Variants in WDR43 observed in about 807,000 individuals in gnomAD.
WDR43 encodes the protein WD repeat domain 43, also known as WD repeat-containing protein 43.
WDR43 carries 13 observed loss-of-function variants against 91.4 expected under a neutral mutation model. The ratio of observed to expected loss-of-function variants is 0.14; its 90% confidence interval spans 0.09 to 0.23. WDR43 has a LOEUF of 0.23. WDR43 is among the 10% of genes least tolerant of loss of function. The pLI, the probability that WDR43 is intolerant of heterozygous loss-of-function variation, is 1.00. For synonymous variants in WDR43, 331 were observed against 287.9 expected, an observed-to-expected ratio of 1.15 and a Z score of -1.51; for missense variants, 780 against 809.4, an observed-to-expected ratio of 0.96 and a Z score of 0.44.
chr2:28,920,070 C>T (rs1283690472), intron 6 of WDR43, among the ~76,000 whole-genome samples: 1 of 151,850 alleles, frequency 6.6e-6, no homozygotes, highest in Non-Finnish European at 1.5e-5. Flanking sequence ...AACTCCTGGC[C>T]TTGAGTCTTG....
Position 28,946,724 on chromosome 2 carries a change from A to C in WDR43, c.1979A>C (p.Lys660Thr). ...NGEDRDTASEKELNGDSDLDP... is the reference protein window; with the variant it reads ...NGEDRDTASETELNGDSDLDP... ...GAGGACAGAGATACAGCAAGTGAAA[A>C]AGAATTAAATGGAGATTCTGATTTA... Residue 660 changes from lysine (K) to threonine (T), a missense_variant, in exon 18 of 18, where the codon AAA becomes ACA. Around this residue, in one of 4 missense-constraint regions of WDR43, gnomAD observed 426 missense variants for 467.8 expected, o/e 0.91. Coordinates refer to ENST00000407426, the MANE Select transcript of WDR43 (RefSeq NM_015131.3). 1.3e-6 allele frequency: 2 copies of C among 1,585,632 alleles called. No individual in the cohort carries two copies. Among genetic ancestry groups the C allele is most frequent in the Non-Finnish European group, 1.7e-6 (2 of 1,165,822 alleles).
chr2:28,926,302 G>A (rs530753511), intron 8 of WDR43, among the ~76,000 whole-genome samples, 166 bp from the exon 9 acceptor site: 3 of 152,222 alleles, frequency 2.0e-5, no homozygotes, highest in East Asian at 1.9e-4. Flanking sequence ...AGTGGTGATC[G>A]TGGTTAACAA....
intron 8 of WDR43, among the ~76,000 whole-genome samples, chr2:28,925,497 G>C (rs1671111636): frequency 6.6e-6 from 1 of 152,078 alleles, no homozygotes; most frequent in Non-Finnish European, 1.5e-5. Flanking sequence ...CTTACTAGTT[G>C]GTCAGTACAG....
chr2:28,894,894 G>T lies in WDR43; in HGVS notation c.196G>T (p.Ala66Ser), dbSNP rs774069050. 14 of 1,602,330 alleles carry T rather than the reference G, an allele frequency of 8.7e-6. No individual in the cohort carries two copies. Among genetic ancestry groups the T allele is most frequent in the Non-Finnish European group, 1.2e-5 (14 of 1,175,042 alleles). Residue 66 changes from alanine to serine, a missense_variant, in exon 1 of 18, where the codon GCC becomes TCC. By Grantham distance (99) the Ala-to-Ser change is moderately conservative. This residue lies in a region of WDR43 where 175 missense variants were observed against 113.8 expected (regional missense o/e 1.54). Transcript: ENST00000407426. ...CCTCAGTGGTACCTGCACCTGTCTG[G>T]CCTGGGCGCCAGCGCGGCTGCAGGC... is the stretch of plus-strand genomic sequence containing the variant. The part of the protein sequence containing the change: ...AHLSGTCTCL[A>S]WAPARLQAKE...
Position 28,922,912 on chromosome 2 carries a change from C to A in WDR43, c.850-7C>A. The stretch of plus-strand genomic sequence containing the variant: ...ATTATAATACGTTGGTTACATTTTT[C>A]TTTTAGCCTGTCAAGTTGGCTGTTG... On this transcript the variant is annotated splice_polypyrimidine_tract_variant and splice_region_variant and intron_variant, in intron 6 of 17. Coordinates refer to ENST00000407426, the MANE Select transcript of WDR43 (RefSeq NM_015131.3). The A allele has an allele frequency of 6.3e-7, 1 of 1,574,960 alleles. No individual in the cohort carries two copies. Among genetic ancestry groups the A allele is most frequent in the South Asian group, 1.1e-5 (1 of 89,548 alleles).
At chr2:28,913,623 G>T (rs4666132) in intron 4 of WDR43, 149,388 of 516,684 alleles carry the variant, frequency 0.29, 27,066 homozygotes, top group East Asian at 0.79. Context: ...TATATTTTTG[G>T]AGGAGGAAAA....
intron 11 of WDR43, among the ~76,000 whole-genome samples, chr2:28,934,949 T>G (rs948062533): frequency 1.3e-5 from 2 of 152,118 alleles, no homozygotes; most frequent in Non-Finnish European, 2.9e-5. Flanking sequence ...CCAGAAGGTG[T>G]GCTTCTAAGG....
intron 15 of WDR43, 58 bp from the exon 16 acceptor site, chr2:28,942,254 C>A: frequency 6.5e-7 from 1 of 1,549,178 alleles, no homozygotes; most frequent in South Asian, 1.2e-5. Flanking sequence ...TGCTGGTGGT[C>A]GTGATACTTG....
chr2:28,924,619 T>C (rs1424424214), intron 7 of WDR43, among the ~76,000 whole-genome samples: 1 of 151,992 alleles, frequency 6.6e-6, no homozygotes, highest in Non-Finnish European at 1.5e-5. Flanking sequence ...CTGAGGCTTT[T>C]GGGGGTTGGG....
intron 6 of WDR43, among the ~76,000 whole-genome samples, chr2:28,921,465 G>A (rs1671024674): frequency 6.6e-6 from 1 of 152,142 alleles, no homozygotes; most frequent in Admixed American, 6.5e-5. Context: ...AGGAATGATG[G>A]ATCAGGAAGC....
intron 6 of WDR43, among the ~76,000 whole-genome samples, chr2:28,919,373 A>G (rs1670977496): frequency 6.6e-6 from 1 of 152,220 alleles, no homozygotes. Flanking sequence ...TTTGTCTTTA[A>G]GAAAAGTAGT....
chr2:28,915,849 C>T (rs916894938), intron 5 of WDR43, among the ~76,000 whole-genome samples: 1 of 152,194 alleles, frequency 6.6e-6, no homozygotes, highest in Non-Finnish European at 1.5e-5. Context: ...ACATGAATGA[C>T]TTCATGTTAG....
intron 4 of WDR43, chr2:28,913,867 A>G: frequency 2.8e-6 from 2 of 707,794 alleles, no homozygotes; most frequent in East Asian, 2.7e-5. Flanking sequence ...AATTTTCAGT[A>G]TTTTCAGATG....
intron 11 of WDR43, among the ~76,000 whole-genome samples, chr2:28,931,315 C>T (rs1487419817): frequency 1.3e-5 from 2 of 152,096 alleles, no homozygotes; most frequent in African/African-American, 4.8e-5. Flanking sequence ...CTCCTGAGCT[C>T]GTGATCCACC....
chr2:28,896,853 C>G (rs980883735), intron 1 of WDR43, among the ~76,000 whole-genome samples: 1 of 152,124 alleles, frequency 6.6e-6, no homozygotes, highest in Non-Finnish European at 1.5e-5. Flanking sequence ...CATTGACAAA[C>G]GAGAGTTGAG....
intron 5 of WDR43, 97 bp downstream of exon 5, chr2:28,914,305 T>C: frequency 7.4e-7 from 1 of 1,354,908 alleles, no homozygotes; most frequent in Non-Finnish European, 9.8e-7. Flanking sequence ...TTATTTGTTG[T>C]ATCTAATGTT....
At chr2:28,912,108 A>G (rs899655105) in intron 3 of WDR43, among the ~76,000 whole-genome samples, 1 of 152,216 alleles carries the variant, frequency 6.6e-6, no homozygotes, top group Non-Finnish European at 1.5e-5. Context: ...TAGGGTAGAA[A>G]TAACCTTTTT....
chr2:28,920,533 T>C (rs745901378), intron 6 of WDR43, among the ~76,000 whole-genome samples: 1 of 151,820 alleles, frequency 6.6e-6, no homozygotes, highest in Non-Finnish European at 1.5e-5. Flanking sequence ...CAACCAAAAG[T>C]TTTAAACCTT....
chr2:28,895,544 C>T (rs941880262), intron 1 of WDR43, among the ~76,000 whole-genome samples: 3 of 152,170 alleles, frequency 2.0e-5, no homozygotes, highest in African/African-American at 4.8e-5. Flanking sequence ...CTGCTCGCCC[C>T]TCCCGCCCCG....
Sources: gnomAD v4.1 joint callset for allele counts (sites outside exome capture counted in the v4.1 genomes callset) on GRCh38, gnomAD v4.1.1 for gene constraint, gnomAD v4.1.1 regional missense constraint, MANE v1.5 for transcripts, NCBI Gene and HGNC (gene_info 2026-07-23, HGNC 2026-07-21) for gene names.